The following NUDT17 variants were observed in gnomAD, a reference collection of about 807,000 sequenced individuals.
NUDT17 encodes m7GpppN-mRNA hydrolase NUDT17.
A neutral mutation model predicts 38.6 loss-of-function variants in NUDT17; 38 were observed. That is an observed-to-expected ratio of 0.98 (90% confidence interval 0.76 to 1.29). The LOEUF (loss-of-function observed/expected upper bound fraction) is 1.29, where lower values mean the gene tolerates loss of function less well. Ranked by LOEUF, NUDT17 falls within the 50% of genes most tolerant of loss-of-function variation. The pLI is 0.00. For synonymous variants in NUDT17, 192 were observed against 167.8 expected (o/e 1.14, Z -1.11); for missense variants, 462 against 415.2 (o/e 1.11, Z -0.98).
Position 145,847,655 on chromosome 1 carries a change from G to A in NUDT17, c.667G>A (p.Ala223Thr). ...WLTPDVAAAV[A>T]AAEDGTETPG... ...GACACCAGATGTAGCTGCTGCAGTG[G>A]CTGCCGCAGAGGATGGGACAGAGAC... The change falls in exon 6 of 8, where the codon GCT (alanine) becomes ACT (threonine). Residue 223 changes from alanine (A) to threonine (T), a missense_variant. By Grantham distance (58) the Ala-to-Thr change is moderately conservative (BLOSUM62 0). Transcript: ENST00000334513. 3.7e-6 allele frequency: 6 copies of A among 1,613,940 alleles called. No homozygotes were observed. Among genetic ancestry groups the A allele is most frequent in the Non-Finnish European group, 5.1e-6 (6 of 1,179,860 alleles).
intron 4 of NUDT17, 22 bp downstream of exon 4, chr1:145,846,712 A>G: frequency 6.5e-7 from 1 of 1,527,358 alleles, no homozygotes. Context: ...AGCTGGGAGA[A>G]GCTCCTCCAT....
rs781810203 is a variant in NUDT17 at position 145,846,334 on chromosome 1, CCTCT to C, written c.377-98_377-95del. 1.1e-5 allele frequency: 16 copies of C among 1,504,284 alleles called. No individual in the cohort carries two copies. The Admixed American group carries it at 1.9e-4, about 18-fold the overall frequency. 93.2% of individuals were successfully genotyped at this position (1,504,284 alleles called of 1,614,324 possible). ...TCATAGTCACAAGGGACTGCAACTC[CCTCT>C]GTGTCCACTGGAGGGGAGAGGAGTG... On this transcript the variant is annotated intron_variant, in intron 2 of 7. Transcript: ENST00000334513.
Position 145,847,761 on chromosome 1 carries a change from A to G in NUDT17, c.731+42A>G, listed in dbSNP as rs1570767612. 3.8e-6 allele frequency: 6 copies of G among 1,592,486 alleles called. No individual in the cohort carries two copies. In the East Asian group the frequency reaches 1.3e-4, roughly 36 times the overall value. ...CCCTCAGCCTCTAATACACCAACAT[A>G]TTCATGTTGAGAAGTTCAGCGTCTA... On this transcript the variant is annotated intron_variant, in intron 6 of 7. Coordinates refer to ENST00000334513, the MANE Select transcript of NUDT17 (RefSeq NM_001012758.3).
intron 4 of NUDT17, 146 bp downstream of exon 4, chr1:145,846,836 C>A: frequency 1.5e-6 from 1 of 680,402 alleles, no homozygotes; most frequent in Non-Finnish European, 2.7e-6. Context: ...GTACCATCCA[C>A]GCCCTCAGCT....
At position 145,845,807 on chromosome 1, in the gene NUDT17, G is replaced by A; in HGVS notation, c.167G>A (p.Gly56Asp). 1 of 1,597,886 alleles carries A rather than the reference G, an allele frequency of 6.3e-7. No individual in the cohort carries two copies. The highest frequency in any genetic ancestry group is 8.5e-7 in the Non-Finnish European group (1 of 1,173,138). Residue 56 changes from glycine (G) to aspartate (D), a missense_variant, in exon 1 of 8, where the codon GGC becomes GAC. By Grantham distance (94) the Gly-to-Asp change is moderately conservative (BLOSUM62 -1). Transcript: ENST00000334513. ...RLVLSSRPFPGASARLPLQRP... is the reference protein window; with the variant it reads ...RLVLSSRPFPDASARLPLQRP... ...GTCCTCTCGAGCAGGCCCTTCCCAG[G>A]CGCCTCCGCTAGGCTTCCGCTCCAG...
At position 145,848,593 on chromosome 1, in the gene NUDT17, T is replaced by A; in HGVS notation, c.*114T>A. ...AGAAATAAAAAGTAAAATTACAACA[T>A]AGGTCCTAGGCCTTGGCGAGCCTGA... On this transcript the variant is annotated 3_prime_UTR_variant, in exon 8 of 8. Coordinates refer to ENST00000334513, the MANE Select transcript of NUDT17 (RefSeq NM_001012758.3). 1.3e-6 allele frequency: 1 copy of A among 780,828 alleles called. No individual in the cohort carries two copies. The highest frequency in any genetic ancestry group is 1.7e-5 in the South Asian group (1 of 58,510). 48.4% of individuals were successfully genotyped at this position (780,828 alleles called of 1,614,324 possible).
chr1:145,846,375 T>C, intron 2 of NUDT17, 58 bp from the exon 3 acceptor site: 1 of 1,604,676 alleles, frequency 6.2e-7, no homozygotes, highest in Non-Finnish European at 8.5e-7. Context: ...CAACAGTGAG[T>C]GGGGGCTCCC....
intron 5 of NUDT17, 106 bp from the exon 6 acceptor site, chr1:145,847,477 T>TC: frequency 6.7e-7 from 1 of 1,496,930 alleles, no homozygotes. Flanking sequence ...CAATGCCCTT[T>TC]CCCCTTGCTC....
intron 1 of NUDT17, 80 bp downstream of exon 1, chr1:145,845,912 G>C: frequency 6.6e-7 from 1 of 1,526,176 alleles, no homozygotes; most frequent in South Asian, 1.2e-5. Context: ...CTGGCGGCGA[G>C]GACCCCGCCC....
At position 145,848,391 on chromosome 1, in the gene NUDT17, G is replaced by A; in HGVS notation, c.899G>A (p.Cys300Tyr). Residue 300 changes from cysteine (C) to tyrosine (Y), a missense_variant, in exon 8 of 8, where the codon TGT becomes TAT. By Grantham distance (194) the Cys-to-Tyr change is radical. Coordinates refer to ENST00000334513, the MANE Select transcript of NUDT17 (RefSeq NM_001012758.3). ...TTCCTCCACAGAACACCCCCACCGT[G>A]TAAAAGTGCAGCTTACCTGGACCCA... is the stretch of plus-strand genomic sequence containing the variant. ...LQHLGRTPPP[C>Y]KSAAYLDPGP... is the part of the protein sequence containing the mutation. 6.2e-7 allele frequency: 1 copy of A among 1,612,716 alleles called. No individual in the cohort carries two copies. Among genetic ancestry groups the A allele is most frequent in the Non-Finnish European group, 8.5e-7 (1 of 1,178,736 alleles).
At position 145,845,767 on chromosome 1, in the gene NUDT17, A is replaced by C. The variant is rs927742244; in HGVS notation, c.127A>C (p.Lys43Gln). The C allele has an allele frequency of 6.3e-7, 1 of 1,585,666 alleles. No homozygotes were observed. Among genetic ancestry groups the C allele is most frequent in the Non-Finnish European group, 8.6e-7 (1 of 1,166,594 alleles). Residue 43 changes from lysine to glutamine, a missense_variant, in exon 1 of 8, where the codon AAG (lysine) becomes CAG (glutamine). Physicochemically the swap from Lys to Gln is moderately conservative, Grantham distance 53 (BLOSUM62 1). Transcript: ENST00000334513. ...GACGTGGCCCATTCACTGCAGCTTG[A>C]AGCGAGGACGGCTTGTCCTCTCGAG... The part of the protein sequence containing the change: ...LGTWPIHCSL[K>Q]RGRLVLSSRP...
chr1:145,846,737 C>T (rs1157763270), intron 4 of NUDT17, 47 bp downstream of exon 4: 2 of 1,293,382 alleles, frequency 1.5e-6, no homozygotes, highest in African/African-American at 1.5e-5. Context: ...CAGCCCCTAC[C>T]TGCCTTGGCT....
At position 145,846,705 on chromosome 1, in the gene NUDT17, T is replaced by G. The variant is rs1553732592; in HGVS notation, c.495+15T>G. On this transcript the variant is annotated intron_variant, in intron 4 of 7. Coordinates refer to ENST00000334513, the MANE Select transcript of NUDT17 (RefSeq NM_001012758.3). ...GTTTATGGGAGGTGAGACAAGTAGC[T>G]GGGAGAAGCTCCTCCATAGATCAGC... 1 of 1,551,528 alleles carries G rather than the reference T, an allele frequency of 6.4e-7. No individual in the cohort carries two copies. The highest frequency in any genetic ancestry group is 1.1e-5 in the South Asian group (1 of 89,828).
At chr1:145,847,379 G>A in intron 5 of NUDT17, 31 bp downstream of exon 5, 4 of 1,540,184 alleles carry the variant, frequency 2.6e-6, no homozygotes, top group Non-Finnish European at 3.6e-6. Flanking sequence ...AGGAAACAGG[G>A]CTCAGGGGAG....
At position 145,848,268 on chromosome 1, in the gene NUDT17, A is replaced by G. The variant is rs782171342; in HGVS notation, c.884+4A>G. The G allele has an allele frequency of 1.9e-6, 3 of 1,614,188 alleles. No individual in the cohort carries two copies. Among genetic ancestry groups the G allele is most frequent in the Non-Finnish European group, 2.5e-6 (3 of 1,180,012 alleles). ...TCTGGCTGCAACATCTGGGCAGGTAAAAGTGAAAAAGGACTGGAGAGCTCC... is the reference window on the plus strand; with the variant it reads ...TCTGGCTGCAACATCTGGGCAGGTAGAAGTGAAAAAGGACTGGAGAGCTCC... On this transcript the variant is annotated splice_donor_region_variant and intron_variant, in intron 7 of 7. Transcript: ENST00000334513.
intron 5 of NUDT17, 81 bp from the exon 6 acceptor site, chr1:145,847,502 G>A (rs1652762040): frequency 6.4e-7 from 1 of 1,574,232 alleles, no homozygotes; most frequent in South Asian, 1.1e-5. Flanking sequence ...CTTTCTCCAT[G>A]AAACCTGCGG....
At chr1:145,846,357 A>G in intron 2 of NUDT17, 76 bp from the exon 3 acceptor site, 1 of 1,549,074 alleles carries the variant, frequency 6.5e-7, no homozygotes, top group Middle Eastern at 1.7e-4. Context: ...TGGAGGGGAG[A>G]GGAGTGTCAA....
At chr1:145,846,712 A>T (rs782648969) in intron 4 of NUDT17, 22 bp downstream of exon 4, 7 of 1,527,358 alleles carry the variant, frequency 4.6e-6, no homozygotes, top group Non-Finnish European at 6.4e-6. Context: ...AGCTGGGAGA[A>T]GCTCCTCCAT....
At position 145,847,365 on chromosome 1, in the gene NUDT17, G is replaced by A; in HGVS notation, c.594+17G>A. The A allele has an allele frequency of 6.3e-7, 1 of 1,590,570 alleles. No individual in the cohort carries two copies. ...CAGTTGCAGGTAGGGCTGGCAGTGA[G>A]GGAAGGAAACAGGGCTCAGGGGAGC... On this transcript the variant is annotated intron_variant, in intron 5 of 7. Coordinates refer to ENST00000334513, the MANE Select transcript of NUDT17 (RefSeq NM_001012758.3).
Sources: allele counts gnomAD v4.1 joint callset, GRCh38; gene constraint gnomAD v4.1.1; transcripts MANE v1.5; gene names NCBI Gene and HGNC (gene_info 2026-07-23, HGNC 2026-07-21).